The following ARHGAP24 variants were observed in gnomAD, a reference collection of about 807,000 sequenced individuals.
The protein encoded by ARHGAP24 is Rho GTPase activating protein 24, also known as rho GTPase-activating protein 24.
Under a neutral mutation model 76.4 loss-of-function variants are expected in ARHGAP24, and 50 were observed. That is an observed-to-expected ratio of 0.65 (90% CI 0.52 to 0.83). The LOEUF is 0.83. Ranked by LOEUF, ARHGAP24 falls within the 40% of genes least tolerant of loss-of-function variation. The pLI is 0.00. For synonymous variants in ARHGAP24, 345 were observed against 323.3 expected, an observed-to-expected ratio of 1.07 and a Z score of -0.72; for missense variants, 930 against 914.2, an observed-to-expected ratio of 1.02 and a Z score of -0.22.
chr4:85,890,327 A>T (rs1344466215), intron 3 of ARHGAP24, among the ~76,000 whole-genome samples: 1 of 152,310 alleles, frequency 6.6e-6, no homozygotes, highest in Non-Finnish European at 1.5e-5. Flanking sequence ...GTCATCACAC[A>T]AACCCTTACT....
chr4:85,496,846 A>G (rs1289650850), intron 1 of ARHGAP24, among the ~76,000 whole-genome samples: 1 of 152,230 alleles, frequency 6.6e-6, no homozygotes, highest in Non-Finnish European at 1.5e-5. Flanking sequence ...TGTTTTGGTG[A>G]AAGTCTATCC....
chr4:85,744,212 A>G (rs899121219), intron 3 of ARHGAP24, among the ~76,000 whole-genome samples: 6 of 152,194 alleles, frequency 3.9e-5, no homozygotes, highest in African/African-American at 1.4e-4. Flanking sequence ...AGTGCTTTTC[A>G]TTTTGTAAGA....
intron 3 of ARHGAP24, among the ~76,000 whole-genome samples, chr4:85,742,974 C>T (rs1725880034): frequency 6.6e-6 from 1 of 152,076 alleles, no homozygotes; most frequent in Non-Finnish European, 1.5e-5. Context: ...TTATGATTTA[C>T]AGGGGCCCTG....
rs534937938 is a variant in ARHGAP24, at chr4:85,770,008, A to G, written c.268+48036A>G. ...TTCCATTGAAGAGGAATTAAAATAA[A>G]TGTAAGGAAATAGTCCAACTTTCTT... On this transcript the variant is annotated intron_variant, in intron 3 of 9. Coordinates refer to ENST00000395184, the MANE Select transcript of ARHGAP24 (RefSeq NM_001025616.3). Among the ~76,000 whole-genome samples the G allele has an allele frequency of 5.3e-5, 8 of 152,372 alleles. No homozygotes were observed. In the East Asian group the frequency reaches 1.5e-3, roughly 29 times the overall value.
At chr4:85,843,512 A>G (rs537690472) in intron 3 of ARHGAP24, among the ~76,000 whole-genome samples, 4 of 151,990 alleles carry the variant, frequency 2.6e-5, no homozygotes, top group African/African-American at 4.8e-5. Flanking sequence ...ATTAAATAAT[A>G]TAAATAATGT....
At chr4:85,600,249 G>C (rs1418460684) in intron 2 of ARHGAP24, among the ~76,000 whole-genome samples, 1 of 152,198 alleles carries the variant, frequency 6.6e-6, no homozygotes, top group African/African-American at 2.4e-5. Context: ...GGCTAGAGAA[G>C]AGTCTGTGGC....
intron 1 of ARHGAP24, among the ~76,000 whole-genome samples, chr4:85,534,658 C>T (rs1378386644): frequency 6.6e-6 from 1 of 152,140 alleles, no homozygotes; most frequent in African/African-American, 2.4e-5. Flanking sequence ...TAGAGGGTAG[C>T]AAGCTAGTCC....
chr4:85,559,891 A>T (rs1203765028), intron 1 of ARHGAP24, among the ~76,000 whole-genome samples: 1 of 152,154 alleles, frequency 6.6e-6, no homozygotes, highest in Non-Finnish European at 1.5e-5. Context: ...CTTTTGGAAA[A>T]GCACTGGAGT....
chr4:85,775,297 T>C (rs571514617), intron 3 of ARHGAP24, among the ~76,000 whole-genome samples: 3 of 152,272 alleles, frequency 2.0e-5, no homozygotes, highest in Admixed American at 1.3e-4. Context: ...CACACAGATG[T>C]GATAGCAGGT....
chr4:85,869,872 A>G (rs1223670408), intron 3 of ARHGAP24, among the ~76,000 whole-genome samples: 1 of 152,156 alleles, frequency 6.6e-6, no homozygotes. Flanking sequence ...AGGTCAGCTT[A>G]TTATACATAT....
intron 2 of ARHGAP24, among the ~76,000 whole-genome samples, chr4:85,623,129 T>G (rs1720785772): frequency 1.3e-5 from 2 of 152,252 alleles, no homozygotes; most frequent in African/African-American, 4.8e-5. Context: ...TTTTGGCTTC[T>G]GTTGCCGTTG....
intron 3 of ARHGAP24, among the ~76,000 whole-genome samples, chr4:85,879,623 T>C (rs1258984729): frequency 1.7e-4 from 26 of 152,096 alleles, no homozygotes; most frequent in African/African-American, 6.3e-4. Context: ...GTTTATGCAC[T>C]AGTCCTCCCT....
intron 3 of ARHGAP24, among the ~76,000 whole-genome samples, chr4:85,866,976 A>T (rs1203465633): frequency 6.6e-6 from 1 of 152,102 alleles, no homozygotes; most frequent in Non-Finnish European, 1.5e-5. Flanking sequence ...GTTATCACAG[A>T]TTAATTTGCT....
intron 1 of ARHGAP24, among the ~76,000 whole-genome samples, chr4:85,528,599 A>G (rs957070517): frequency 3.3e-5 from 5 of 152,088 alleles, no homozygotes; most frequent in African/African-American, 1.2e-4. Flanking sequence ...TATGGGGATT[A>G]GAATTGCATC....
At chr4:85,737,280 C>T (rs1364903813) in intron 3 of ARHGAP24, among the ~76,000 whole-genome samples, 1 of 152,146 alleles carries the variant, frequency 6.6e-6, no homozygotes, top group Non-Finnish European at 1.5e-5. Context: ...CCTTTGTTAA[C>T]CTGTAGACTC....
chr4:85,873,610 A>G (rs982616203), intron 3 of ARHGAP24, among the ~76,000 whole-genome samples: 6 of 152,196 alleles, frequency 3.9e-5, no homozygotes, highest in African/African-American at 1.2e-4. Context: ...AATGTTCAGA[A>G]TGGGCAACCC....
intron 3 of ARHGAP24, among the ~76,000 whole-genome samples, chr4:85,923,257 C>T (rs1329752968): frequency 6.6e-6 from 1 of 152,186 alleles, no homozygotes; most frequent in African/African-American, 2.4e-5. Flanking sequence ...CTGTTCCACG[C>T]TTGCTTCAAA....
intron 3 of ARHGAP24, among the ~76,000 whole-genome samples, chr4:85,734,636 ATTTTT>A (rs34647342): frequency 2.9e-5 from 3 of 101,956 alleles, no homozygotes; most frequent in Non-Finnish European, 5.7e-5. Context: ...AATTCAGGGA[ATTTTT>A]TTTTTTTTTT....
chr4:85,516,022 GA>G (rs202232278), intron 1 of ARHGAP24, among the ~76,000 whole-genome samples: 130 of 150,402 alleles, frequency 8.6e-4, no homozygotes, highest in African/African-American at 2.5e-3. Context: ...AGGCTGATGA[GA>G]AAAAAAAAAT....
Sources: gnomAD v4.1 joint callset for allele counts (sites outside exome capture counted in the v4.1 genomes callset) on GRCh38, gnomAD v4.1.1 for gene constraint, MANE v1.5 for transcripts, NCBI Gene and HGNC (gene_info 2026-07-23, HGNC 2026-07-21) for gene names.